The following KCNN2 variants were observed in gnomAD, a reference collection of about 807,000 sequenced individuals.
KCNN2 encodes the protein potassium calcium-activated channel subfamily N member 2.
A neutral mutation model predicts 55.5 loss-of-function variants in KCNN2; 24 were observed. The ratio of observed to expected loss-of-function variants is 0.43; its 90% confidence interval spans 0.31 to 0.61. KCNN2 has a LOEUF of 0.61. Among genes scored for constraint, KCNN2 ranks in the 20% least tolerant of loss-of-function variants. The pLI is 0.08. For missense variants in KCNN2, 754 were observed against 853.6 expected, an observed-to-expected ratio of 0.88 and a Z score of 1.45; for synonymous variants, 431 against 336.1, an observed-to-expected ratio of 1.28 and a Z score of -3.09.
intron 1 of KCNN2, among the ~76,000 whole-genome samples, chr5:114,212,227 T>C (rs1485550947): frequency 6.6e-6 from 1 of 152,084 alleles, no homozygotes; most frequent in Non-Finnish European, 1.5e-5. Flanking sequence ...AATCAGTTAC[T>C]GATTGATACA....
chr5:114,123,599 G>A (rs1253537270), intron 1 of KCNN2, among the ~76,000 whole-genome samples: 1 of 65,098 alleles, frequency 1.5e-5, no homozygotes, highest in Non-Finnish European at 3.2e-5. Context: ...TCCTGACCTC[G>A]TGATCCGCCC....
chr5:114,267,294 C>G (rs1755230369), intron 2 of KCNN2, among the ~76,000 whole-genome samples: 1 of 152,118 alleles, frequency 6.6e-6, no homozygotes, highest in African/African-American at 2.4e-5. Flanking sequence ...TGCGCCCGGC[C>G]CCACCTCTTT....
intron 6 of KCNN2, among the ~76,000 whole-genome samples, chr5:114,487,738 C>CAATCT (rs1177414957): frequency 1.3e-5 from 2 of 152,150 alleles, no homozygotes; most frequent in Non-Finnish European, 2.9e-5. Flanking sequence ...TTTAAAGTAA[C>CAATCT]AATCTATATC....
At chr5:114,486,727 C>G (rs1747558790) in intron 5 of KCNN2, 2 of 1,291,852 alleles carry the variant, frequency 1.5e-6, no homozygotes, top group Non-Finnish European at 2.0e-6. Context: ...ACAACAATTG[C>G]AATACACGGT....
intron 2 of KCNN2, among the ~76,000 whole-genome samples, chr5:114,294,995 C>A (rs1299654867): frequency 6.6e-6 from 1 of 152,114 alleles, no homozygotes; most frequent in Non-Finnish European, 1.5e-5. Context: ...AGGATTGCAA[C>A]CCCTGCCTTT....
intron 2 of KCNN2, among the ~76,000 whole-genome samples, chr5:114,353,253 T>G (rs887562852): frequency 6.6e-6 from 1 of 151,824 alleles, no homozygotes; most frequent in Admixed American, 6.6e-5. Context: ...ACAGTAGATA[T>G]GTATTTATAG....
intron 2 of KCNN2, among the ~76,000 whole-genome samples, chr5:114,252,879 C>G (rs1158698640): frequency 6.6e-6 from 1 of 152,076 alleles, no homozygotes; most frequent in Admixed American, 6.5e-5. Flanking sequence ...AAATGGCAGT[C>G]AATGCTGTCA....
intron 2 of KCNN2, among the ~76,000 whole-genome samples, chr5:114,371,829 A>G (rs922321238): frequency 1.3e-5 from 2 of 152,128 alleles, no homozygotes; most frequent in East Asian, 3.9e-4. Flanking sequence ...AGTCAGAAAC[A>G]TACCCAGCAC....
At chr5:114,363,742 G>T (rs947734801) in intron 1 of KCNN2, among the ~76,000 whole-genome samples, 164 bp from the exon 2 acceptor site, 5 of 152,104 alleles carry the variant, frequency 3.3e-5, no homozygotes, top group African/African-American at 4.8e-5. Context: ...TTTTGAGGCC[G>T]AGTGATCTGA....
chr5:114,344,825 G>A (rs1278419677), intron 2 of KCNN2, among the ~76,000 whole-genome samples: 1 of 152,164 alleles, frequency 6.6e-6, no homozygotes, highest in Non-Finnish European at 1.5e-5. Context: ...AAACTGCCAC[G>A]GAAAAATTAC....
chr5:114,294,586 A>C (rs1203382356), intron 2 of KCNN2, among the ~76,000 whole-genome samples: 1 of 151,440 alleles, frequency 6.6e-6, no homozygotes, highest in Non-Finnish European at 1.5e-5. Flanking sequence ...GTTCTTTTAC[A>C]TATGCTGAGG....
At chr5:114,344,411 A>G (rs1757071871) in intron 2 of KCNN2, among the ~76,000 whole-genome samples, 2 of 152,202 alleles carry the variant, frequency 1.3e-5, no homozygotes, top group Non-Finnish European at 1.5e-5. Flanking sequence ...TAAAGCTTCT[A>G]TGTCCTCTGG....
chr5:114,191,803 T>C (rs1418879506), intron 1 of KCNN2, among the ~76,000 whole-genome samples: 1 of 152,130 alleles, frequency 6.6e-6, no homozygotes, highest in African/African-American at 2.4e-5. Context: ...AGGCAGACAA[T>C]GTATTTCCCT....
intron 2 of KCNN2, among the ~76,000 whole-genome samples, chr5:114,331,771 G>T (rs1272552028): frequency 6.6e-6 from 1 of 152,080 alleles, no homozygotes; most frequent in African/African-American, 2.4e-5. Context: ...TAAGTAACAG[G>T]ACCAATTTTC....
chr5:114,077,715 C>T (rs1015965912), intron 1 of KCNN2, among the ~76,000 whole-genome samples: 10 of 152,138 alleles, frequency 6.6e-5, no homozygotes, highest in African/African-American at 2.4e-4. Flanking sequence ...CTGTGCTTTG[C>T]AGAAGGCCCC....
At chr5:114,068,413 G>T (rs1348228691) in intron 1 of KCNN2, among the ~76,000 whole-genome samples, 1 of 152,170 alleles carries the variant, frequency 6.6e-6, no homozygotes, top group Non-Finnish European at 1.5e-5. Context: ...GTCTGTAGTT[G>T]TACCAGCCCC....
chr5:114,463,033 G>T lies in KCNN2; in HGVS notation c.1638-16G>T. On this transcript the variant is annotated splice_polypyrimidine_tract_variant and intron_variant, in intron 3 of 7. Coordinates refer to ENST00000673685, the MANE Select transcript of KCNN2 (RefSeq NM_021614.4). Reference sequence around the variant, plus strand: ...AGATTAATTATAAAGGACTGGTTTTGTTTGCTGTTTTTCAGGTACCATGAT... The same window carrying T: ...AGATTAATTATAAAGGACTGGTTTTTTTTGCTGTTTTTCAGGTACCATGAT... 6.2e-7 allele frequency: 1 copy of T among 1,609,784 alleles called. No homozygotes were observed. The highest frequency in any genetic ancestry group is 8.5e-7 in the Non-Finnish European group (1 of 1,178,110).
At chr5:114,389,986 G>A (rs1344386172) in intron 2 of KCNN2, among the ~76,000 whole-genome samples, 1 of 152,094 alleles carries the variant, frequency 6.6e-6, no homozygotes, top group Non-Finnish European at 1.5e-5. Context: ...AACTCACACT[G>A]TGACCATGAC....
chr5:114,158,525 T>C (rs2112527072), intron 1 of KCNN2, among the ~76,000 whole-genome samples: 1 of 152,188 alleles, frequency 6.6e-6, no homozygotes, highest in South Asian at 2.1e-4. Flanking sequence ...AGTAGTTTTT[T>C]CCAATTCTGT....
Sources: gnomAD v4.1 joint callset for allele counts (sites outside exome capture counted in the v4.1 genomes callset) on GRCh38, gnomAD v4.1.1 for gene constraint, MANE v1.5 for transcripts, NCBI Gene and HGNC (gene_info 2026-07-23, HGNC 2026-07-21) for gene names.